PTPRD: variants seen among roughly 807,000 people sequenced by gnomAD.
PTPRD encodes the protein receptor-type tyrosine-protein phosphatase delta.
PTPRD carries 34 observed loss-of-function variants against 214.5 expected under a neutral mutation model. The ratio of observed to expected loss-of-function variants is 0.16; its 90% CI spans 0.12 to 0.21. PTPRD has a LOEUF of 0.21. Among genes scored for constraint, PTPRD ranks in the 10% least tolerant of loss-of-function variants. The probability of loss-of-function intolerance (pLI) is 1.00; values close to 1 mark genes in which losing one functional copy is unlikely to be tolerated. For synonymous variants in PTPRD, 1,128 were observed against 845.7 expected (o/e 1.33, Z -5.79); for missense variants, 2,545 against 2,398.7 (o/e 1.06, Z -1.27).
At chr9:8,804,530 G>A (rs949347845) in intron 11 of PTPRD, among the ~76,000 whole-genome samples, 5 of 152,116 alleles carry the variant, frequency 3.3e-5, no homozygotes, top group East Asian at 1.9e-4. Context: ...ACTGGAGGTC[G>A]AGGCTGCAGC....
intron 3 of PTPRD, among the ~76,000 whole-genome samples, chr9:10,327,194 TA>T (rs2096660108): frequency 6.9e-6 from 1 of 145,976 alleles, no homozygotes; most frequent in Non-Finnish European, 1.5e-5. Context: ...TATATATATA[TA>T]TATGATAGCA....
chr9:10,002,820 G>A (rs994484940), intron 4 of PTPRD, among the ~76,000 whole-genome samples: 18 of 151,084 alleles, frequency 1.2e-4, no homozygotes, highest in Admixed American at 8.6e-4. Context: ...ATAACACTAC[G>A]AAATAGACCT....
At chr9:9,700,280 C>T (rs1214991409) in intron 7 of PTPRD, among the ~76,000 whole-genome samples, 4 of 152,046 alleles carry the variant, frequency 2.6e-5, no homozygotes, top group Non-Finnish European at 5.9e-5. Context: ...TAAATCATTA[C>T]TTGAAATCTG....
chr9:8,755,733 T>G (rs1358485058), intron 11 of PTPRD, among the ~76,000 whole-genome samples: 1 of 152,134 alleles, frequency 6.6e-6, no homozygotes, highest in East Asian at 1.9e-4. Context: ...TCTAATCATT[T>G]TGAAGAAACT....
intron 4 of PTPRD, among the ~76,000 whole-genome samples, chr9:9,968,959 G>A (rs1214482397): frequency 2.6e-5 from 4 of 152,062 alleles, no homozygotes; most frequent in Non-Finnish European, 5.9e-5. Flanking sequence ...ACGATAAGCT[G>A]GTAAATTCAT....
At chr9:9,964,105 G>A (rs950384983) in intron 4 of PTPRD, among the ~76,000 whole-genome samples, 1 of 152,092 alleles carries the variant, frequency 6.6e-6, no homozygotes, top group Non-Finnish European at 1.5e-5. Context: ...CAAAGACAGA[G>A]ACAGAGAGAG....
intron 11 of PTPRD, among the ~76,000 whole-genome samples, chr9:8,771,503 A>C (rs1292879972): frequency 6.6e-6 from 1 of 152,190 alleles, no homozygotes; most frequent in Non-Finnish European, 1.5e-5. Context: ...TCAGTGTAGT[A>C]TAGTGACACA....
intron 10 of PTPRD, among the ~76,000 whole-genome samples, chr9:9,173,301 G>A (rs1311017668): frequency 1.3e-5 from 2 of 152,064 alleles, no homozygotes; most frequent in Admixed American, 1.3e-4. Flanking sequence ...TCCTAATAGT[G>A]CTGATTTCAA....
intron 7 of PTPRD, among the ~76,000 whole-genome samples, chr9:9,674,511 A>T (rs967265111): frequency 4.0e-5 from 6 of 151,848 alleles, no homozygotes; most frequent in African/African-American, 1.2e-4. Flanking sequence ...AAACCAGCTG[A>T]AAGACAAGAA....
chr9:9,237,739 A>T (rs1023870395), intron 9 of PTPRD, among the ~76,000 whole-genome samples: 17 of 152,064 alleles, frequency 1.1e-4, no homozygotes, highest in African/African-American at 4.1e-4. Context: ...TTGATCCTGC[A>T]TCTCCTGTGA....
At chr9:9,082,165 A>G (rs899872679) in intron 10 of PTPRD, among the ~76,000 whole-genome samples, 14 of 151,984 alleles carry the variant, frequency 9.2e-5, no homozygotes, top group African/African-American at 3.4e-4. Context: ...CAAAAAAAGA[A>G]AATTTCAGGC....
intron 9 of PTPRD, among the ~76,000 whole-genome samples, chr9:9,302,600 T>TC (rs1491392662): frequency 3.3e-4 from 24 of 72,486 alleles, no homozygotes; most frequent in Non-Finnish European, 5.5e-4. Context: ...GTTTTTTTTT[T>TC]CTTTTTTTTT....
intron 5 of PTPRD, among the ~76,000 whole-genome samples, chr9:9,909,564 T>C (rs1247208349): frequency 6.6e-6 from 1 of 151,952 alleles, no homozygotes; most frequent in Non-Finnish European, 1.5e-5. Context: ...TTAGGCACTA[T>C]CTTAGACATC....
At chr9:10,179,613 C>T (rs2099270080) in intron 3 of PTPRD, among the ~76,000 whole-genome samples, 1 of 152,026 alleles carries the variant, frequency 6.6e-6, no homozygotes, top group Non-Finnish European at 1.5e-5. Flanking sequence ...TGATAACTTA[C>T]ATTTATTATA....
chr9:8,733,443 T>TCC (rs2098681998), intron 12 of PTPRD, among the ~76,000 whole-genome samples: 1 of 152,178 alleles, frequency 6.6e-6, no homozygotes, highest in African/African-American at 2.4e-5. Flanking sequence ...GAACAATGTT[T>TCC]ACTTATTGGC....
At chr9:9,440,624 T>C (rs2087242769) in intron 8 of PTPRD, among the ~76,000 whole-genome samples, 1 of 152,246 alleles carries the variant, frequency 6.6e-6, no homozygotes, top group Non-Finnish European at 1.5e-5. Context: ...CAGTATCTAT[T>C]TACCGATGGT....
intron 14 of PTPRD, among the ~76,000 whole-genome samples, chr9:8,574,304 T>C (rs562313126): frequency 5.3e-5 from 8 of 152,156 alleles, no homozygotes; most frequent in Admixed American, 2.0e-4. Context: ...TCAATAAATA[T>C]TATTTTAATT....
intron 12 of PTPRD, among the ~76,000 whole-genome samples, chr9:8,649,266 G>T (rs991672207): frequency 9.9e-5 from 15 of 152,188 alleles, no homozygotes; most frequent in Non-Finnish European, 1.5e-4. Flanking sequence ...AGATCTGCTG[G>T]TGTCACTGTA....
rs1039384738 is a variant in PTPRD at position 9,471,489 on chromosome 9, A to T, written c.-236-74007T>A. Among the ~76,000 whole-genome samples, 6 of 152,200 alleles carry T rather than the reference A, an allele frequency of 3.9e-5. No homozygotes were observed. The East Asian group carries it at 7.7e-4, about 19-fold the overall frequency. ...CAAAATCAATACTCTTCTCATTTCA[A>T]ATAAAAAAATGCTCCCTGAATGAAC... On this transcript the variant is annotated intron_variant, in intron 8 of 45. Coordinates refer to ENST00000381196, the MANE Select transcript of PTPRD (RefSeq NM_002839.4).
Sources: gnomAD v4.1 joint callset for allele counts (sites outside exome capture counted in the v4.1 genomes callset) on GRCh38, gnomAD v4.1.1 for gene constraint, MANE v1.5 for transcripts, NCBI Gene and HGNC (gene_info 2026-07-23, HGNC 2026-07-21) for gene names.